ST8SIA1: variants seen among roughly 807,000 people sequenced by gnomAD.
The protein encoded by ST8SIA1 is alpha-N-acetylneuraminide alpha-2,8-sialyltransferase.
Under a neutral mutation model 35.9 loss-of-function variants are expected in ST8SIA1, and 16 were observed. That is an observed-to-expected ratio of 0.45 (90% CI 0.30 to 0.68). ST8SIA1 has a LOEUF of 0.68. Ranked by LOEUF, ST8SIA1 falls within the 30% of genes least tolerant of loss-of-function variation. The pLI is 0.09. For missense variants in ST8SIA1, 383 were observed against 453.6 expected, an observed-to-expected ratio of 0.84 and a Z score of 1.41; for synonymous variants, 170 against 169.6, an observed-to-expected ratio of 1.00 and a Z score of -0.02.
Position 22,234,491 on chromosome 12 carries a change from G to A in ST8SIA1, c.584+14515C>T, listed in dbSNP as rs956070849. The stretch of plus-strand genomic sequence containing the variant: ...AACTACTTAAAATAAACCATCATCC[G>A]CTGGTGGTTATTTTCTTCTTCTTTT... On this transcript the variant is annotated intron_variant, in intron 4 of 4. Coordinates refer to ENST00000396037, the MANE Select transcript of ST8SIA1 (RefSeq NM_003034.4). 2.4e-4 allele frequency among the ~76,000 whole-genome samples: 37 copies of A among 151,998 alleles called. 1 individual carries two copies. The highest frequency in any genetic ancestry group is 1.9e-4 in the African/African-American group (8 of 41,384).
intron 2 of ST8SIA1, among the ~76,000 whole-genome samples, chr12:22,264,534 C>T (rs952150329): frequency 2.0e-5 from 3 of 152,080 alleles, no homozygotes; most frequent in African/African-American, 7.2e-5. Context: ...TTAACTAGCC[C>T]CTTGGCAGTC....
chr12:22,209,544 T>C, intron 4 of ST8SIA1, among the ~76,000 whole-genome samples: 1 of 152,008 alleles, frequency 6.6e-6, no homozygotes, highest in Non-Finnish European at 1.5e-5. Context: ...CAAATGGGAG[T>C]ATGAATTGCC....
At chr12:22,258,982 T>G (rs988007318) in intron 2 of ST8SIA1, among the ~76,000 whole-genome samples, 2 of 152,208 alleles carry the variant, frequency 1.3e-5, no homozygotes, top group African/African-American at 4.8e-5. Context: ...GGAAGGGGTC[T>G]AACCTCACAC....
chr12:22,264,702 TAAGA>T (rs1865828026), intron 2 of ST8SIA1, among the ~76,000 whole-genome samples: 1 of 152,198 alleles, frequency 6.6e-6, no homozygotes, highest in African/African-American at 2.4e-5. Context: ...AATTTTCCCT[TAAGA>T]TATATATTTG....
chr12:22,323,641 G>T (rs1279955632), intron 1 of ST8SIA1, among the ~76,000 whole-genome samples: 1 of 152,214 alleles, frequency 6.6e-6, no homozygotes, highest in African/African-American at 2.4e-5. Context: ...TAAAGAAAAT[G>T]TGGTACGTAT....
chr12:22,324,573 T>C (rs1257587030), intron 1 of ST8SIA1: 1 of 152,198 alleles, frequency 6.6e-6, no homozygotes, highest in East Asian at 1.9e-4. Flanking sequence ...TATATTTTTG[T>C]TTCATTTATA....
chr12:22,226,086 T>C (rs1050715618), intron 4 of ST8SIA1, among the ~76,000 whole-genome samples: 1 of 152,242 alleles, frequency 6.6e-6, no homozygotes, highest in African/African-American at 2.4e-5. Context: ...TATTTGACTC[T>C]CAGCTGTAGT....
intron 2 of ST8SIA1, among the ~76,000 whole-genome samples, chr12:22,274,889 G>A (rs2418058): frequency 0.15 from 23,011 of 152,194 alleles, 1,783 homozygotes; most frequent in Middle Eastern, 0.24. Flanking sequence ...TGCCTTCAAA[G>A]GGCTCACAGT....
intron 1 of ST8SIA1, among the ~76,000 whole-genome samples, chr12:22,329,817 G>A (rs1866736187): frequency 6.6e-6 from 1 of 152,136 alleles, no homozygotes; most frequent in East Asian, 1.9e-4. Flanking sequence ...ACCACCCAAT[G>A]AGTCGACAGA....
chr12:22,253,307 T>G (rs1281255395), intron 3 of ST8SIA1, among the ~76,000 whole-genome samples: 1 of 152,100 alleles, frequency 6.6e-6, no homozygotes, highest in Non-Finnish European at 1.5e-5. Context: ...TGCCTGAAGG[T>G]GGTTCAGGAC....
chr12:22,273,076 T>C (rs1007126806), intron 2 of ST8SIA1, among the ~76,000 whole-genome samples: 5 of 152,166 alleles, frequency 3.3e-5, no homozygotes, highest in Non-Finnish European at 7.4e-5. Context: ...ACAGTTATTC[T>C]GAGGTTTCTT....
intron 4 of ST8SIA1, among the ~76,000 whole-genome samples, chr12:22,210,526 C>T (rs889743200): frequency 6.6e-6 from 1 of 152,102 alleles, no homozygotes; most frequent in Non-Finnish European, 1.5e-5. Context: ...ACTTCAATTC[C>T]AACACTATCT....
chr12:22,248,732 A>C (rs979916460), intron 4 of ST8SIA1: 10 of 322,572 alleles, frequency 3.1e-5, no homozygotes, highest in Non-Finnish European at 5.1e-5. Flanking sequence ...GAGTAAACAG[A>C]GTATTGTGCT....
rs1240360813 is a variant in ST8SIA1, at chr12:22,249,091, G to A, written c.499C>T (p.Leu167Phe). 1 of 1,610,418 alleles carries A rather than the reference G, an allele frequency of 6.2e-7. No homozygotes were observed. Among genetic ancestry groups the A allele is most frequent in the African/African-American group, 1.3e-5 (1 of 74,866 alleles). ...GTGTATTCACTTGACAAAGGAGGGA[G>A]ATTGCATCTAGAGAAACAAGAACAA... Reference protein sequence around the residue: ...DEANFVMRCNLPPLSSEYTKD... With the variant: ...DEANFVMRCNFPPLSSEYTKD... The change falls in exon 4 of 5, where the codon CTC becomes TTC. Residue 167 changes from leucine to phenylalanine, a missense_variant. Leu to Phe is a conservative substitution (Grantham distance 22). Coordinates refer to ENST00000396037, the MANE Select transcript of ST8SIA1 (RefSeq NM_003034.4).
At chr12:22,319,981 C>T (rs1866565760) in intron 1 of ST8SIA1, among the ~76,000 whole-genome samples, 1 of 152,142 alleles carries the variant, frequency 6.6e-6, no homozygotes, top group South Asian at 2.1e-4. Context: ...GGGGCTTGGG[C>T]ATCTCATTTG....
chr12:22,242,261 T>A (rs1417279478), intron 4 of ST8SIA1, among the ~76,000 whole-genome samples: 1 of 152,160 alleles, frequency 6.6e-6, no homozygotes, highest in Non-Finnish European at 1.5e-5. Flanking sequence ...GAGAAGTGGG[T>A]TTATATTAAA....
intron 1 of ST8SIA1, among the ~76,000 whole-genome samples, chr12:22,289,376 C>T (rs1866147378): frequency 6.6e-6 from 1 of 152,146 alleles, no homozygotes; most frequent in Non-Finnish European, 1.5e-5. Flanking sequence ...TCAGGCCACA[C>T]AGGGCAGAAC....
intron 2 of ST8SIA1, among the ~76,000 whole-genome samples, chr12:22,285,603 G>A (rs928074215): frequency 2.0e-5 from 3 of 152,090 alleles, no homozygotes; most frequent in African/African-American, 7.2e-5. Flanking sequence ...CGGGCGCGGT[G>A]GCTCACGCCT....
intron 4 of ST8SIA1, among the ~76,000 whole-genome samples, chr12:22,231,736 G>A (rs926795472): frequency 6.6e-6 from 1 of 151,880 alleles, no homozygotes; most frequent in Non-Finnish European, 1.5e-5. Flanking sequence ...ACCACGCCCG[G>A]CTAATTTTTT....
Sources: allele counts gnomAD v4.1 joint callset (sites outside exome capture counted in the v4.1 genomes callset), GRCh38; gene constraint gnomAD v4.1.1; transcripts MANE v1.5; gene names NCBI Gene and HGNC (gene_info 2026-07-23, HGNC 2026-07-21).